ADGRL3: variants seen among roughly 807,000 people sequenced by gnomAD.
ADGRL3 encodes the protein adhesion G protein-coupled receptor L3.
A neutral mutation model predicts 153.5 loss-of-function variants in ADGRL3; 62 were observed. The observed-to-expected ratio is 0.40, with a 90% CI of 0.33 to 0.50. The LOEUF (loss-of-function observed/expected upper bound fraction) is 0.50, where lower values mean the gene tolerates loss of function less well. Among genes scored for constraint, ADGRL3 ranks in the 20% least tolerant of loss-of-function variants. The pLI is 0.47. For synonymous variants in ADGRL3, 710 were observed against 672.5 expected (o/e 1.06, Z -0.86); for missense variants, 1,641 against 1,859.4 (o/e 0.88, Z 2.16).
chr4:62,064,861 C>T (rs1742155219), intron 25 of ADGRL3, among the ~76,000 whole-genome samples: 1 of 151,966 alleles, frequency 6.6e-6, no homozygotes, highest in African/African-American at 2.4e-5. Context: ...TTCAGAAACA[C>T]CAAAGTCAAT....
chr4:61,975,539 TTGAG>T (rs2099044903), intron 17 of ADGRL3, among the ~76,000 whole-genome samples: 1 of 152,144 alleles, frequency 6.6e-6, no homozygotes, highest in South Asian at 2.1e-4. Context: ...TTTATTTTCA[TTGAG>T]TGGGAGCCAT....
At chr4:62,062,602 TCTC>T (rs1334491131) in intron 25 of ADGRL3, among the ~76,000 whole-genome samples, 1 of 152,060 alleles carries the variant, frequency 6.6e-6, no homozygotes, top group Non-Finnish European at 1.5e-5. Context: ...TAATAAAACT[TCTC>T]CTCTGATCTT....
intron 9 of ADGRL3, among the ~76,000 whole-genome samples, chr4:61,815,794 C>G (rs145645459): frequency 6.6e-6 from 1 of 152,122 alleles, no homozygotes; most frequent in Non-Finnish European, 1.5e-5. Flanking sequence ...CCTTTTTGCT[C>G]TTAGGCCTTT....
chr4:61,369,592 G>A (rs1340766327), intron 1 of ADGRL3, among the ~76,000 whole-genome samples: 1 of 152,086 alleles, frequency 6.6e-6, no homozygotes, highest in East Asian at 1.9e-4. Flanking sequence ...ACTTGATCAT[G>A]GTGGATAAGC....
chr4:61,488,794 A>G (rs1360635848), intron 2 of ADGRL3, among the ~76,000 whole-genome samples: 2 of 151,980 alleles, frequency 1.3e-5, no homozygotes, highest in South Asian at 2.1e-4. Context: ...AACTCCCACC[A>G]TACTAACTCT....
intron 1 of ADGRL3, among the ~76,000 whole-genome samples, chr4:61,240,136 C>T (rs185045759): frequency 6.6e-6 from 1 of 152,184 alleles, no homozygotes; most frequent in Non-Finnish European, 1.5e-5. Flanking sequence ...TTACTCTCTG[C>T]TTCCAAGATG....
At chr4:61,445,060 A>AT (rs2152489740) in intron 2 of ADGRL3, among the ~76,000 whole-genome samples, 1 of 151,154 alleles carries the variant, frequency 6.6e-6, no homozygotes, top group South Asian at 2.1e-4. Context: ...TAAAAAAGAA[A>AT]AAAAAATGCT....
At chr4:61,960,067 G>C (rs552256852) in intron 17 of ADGRL3, among the ~76,000 whole-genome samples, 1 of 152,074 alleles carries the variant, frequency 6.6e-6, no homozygotes, top group Non-Finnish European at 1.5e-5. Flanking sequence ...TTTCAAAAAC[G>C]TAAGATTTTA....
At chr4:61,504,976 G>A (rs1015356626) in intron 3 of ADGRL3, among the ~76,000 whole-genome samples, 2 of 152,036 alleles carry the variant, frequency 1.3e-5, no homozygotes, top group Non-Finnish European at 2.9e-5. Flanking sequence ...CATATACCCA[G>A]GAGTGGGATT....
intron 1 of ADGRL3, among the ~76,000 whole-genome samples, chr4:61,368,000 A>C (rs1226272105): frequency 6.6e-6 from 1 of 151,110 alleles, no homozygotes; most frequent in Non-Finnish European, 1.5e-5. Flanking sequence ...GATGGTGAGC[A>C]TTTTTTCATG....
intron 1 of ADGRL3, among the ~76,000 whole-genome samples, chr4:61,249,902 C>T (rs920034891): frequency 6.6e-6 from 1 of 152,078 alleles, no homozygotes; most frequent in Non-Finnish European, 1.5e-5. Context: ...ACATAGTTCC[C>T]TTTCTAATTC....
At chr4:62,026,364 C>A (rs193135844) in intron 21 of ADGRL3, among the ~76,000 whole-genome samples, 77 of 151,870 alleles carry the variant, frequency 5.1e-4, no homozygotes, top group Admixed American at 1.1e-3. Context: ...TTGACAACAC[C>A]CAGAAATGTC....
At chr4:61,414,935 T>C (rs1159224913) in intron 2 of ADGRL3, among the ~76,000 whole-genome samples, 1 of 151,986 alleles carries the variant, frequency 6.6e-6, no homozygotes, top group African/African-American at 2.4e-5. Flanking sequence ...GTAAATAATA[T>C]TATCTATTTA....
chr4:61,497,141 G>T lies in ADGRL3; in HGVS notation c.-153G>T. On this transcript the variant is annotated 5_prime_UTR_variant, in exon 3 of 27. Transcript: ENST00000683033. ...TGCAGGTTTCAGATTTGGGATATTG[G>T]TGTTTCTGTTTTGGAGAAATTATTC... The T allele has an allele frequency of 7.0e-6, 4 of 569,066 alleles. No individual in the cohort carries two copies. The highest frequency in any genetic ancestry group is 4.5e-5 in the South Asian group (2 of 44,222). The allele number at this position is 569,066 out of a possible 1,614,324, so 35.3% of individuals were successfully genotyped here. A position where few individuals can be genotyped will look rare whatever the true frequency, so the allele number is the denominator to read the frequency against.
At chr4:61,447,154 G>A (rs2097593120) in intron 2 of ADGRL3, among the ~76,000 whole-genome samples, 1 of 151,996 alleles carries the variant, frequency 6.6e-6, no homozygotes, top group South Asian at 2.1e-4. Context: ...TAAACACCAG[G>A]GGTCTTGGTT....
At chr4:61,519,375 A>G (rs1361217773) in intron 4 of ADGRL3, among the ~76,000 whole-genome samples, 9 of 152,150 alleles carry the variant, frequency 5.9e-5, no homozygotes, top group Admixed American at 5.9e-4. Flanking sequence ...TGTTTTGGAC[A>G]GAGATGAAAA....
intron 4 of ADGRL3, among the ~76,000 whole-genome samples, chr4:61,539,592 C>G (rs1405989331): frequency 6.6e-6 from 1 of 152,058 alleles, no homozygotes; most frequent in African/African-American, 2.4e-5. Context: ...TGGCAGTAAG[C>G]CACAGTGGGT....
At chr4:61,217,201 A>G (rs1162478174) in intron 1 of ADGRL3, among the ~76,000 whole-genome samples, 1 of 152,212 alleles carries the variant, frequency 6.6e-6, no homozygotes, top group Non-Finnish European at 1.5e-5. Context: ...TTAATTAGTT[A>G]TAGTTAAAAT....
At chr4:62,004,054 T>G (rs1437385297) in intron 21 of ADGRL3, among the ~76,000 whole-genome samples, 1 of 152,084 alleles carries the variant, frequency 6.6e-6, no homozygotes, top group East Asian at 1.9e-4. Flanking sequence ...GTCTAAATGT[T>G]AGTAAAAACA....
Sources: allele counts gnomAD v4.1 joint callset (sites outside exome capture counted in the v4.1 genomes callset), GRCh38; gene constraint gnomAD v4.1.1; transcripts MANE v1.5; gene names NCBI Gene and HGNC (gene_info 2026-07-23, HGNC 2026-07-21).